Variants in OXR1 observed in about 807,000 individuals in gnomAD.
OXR1 encodes oxidation resistance protein 1.
Under a neutral mutation model 104.6 loss-of-function variants are expected in OXR1, and 41 were observed. The observed-to-expected ratio is 0.39, with a 90% CI of 0.31 to 0.51. The LOEUF (loss-of-function observed/expected upper bound fraction) is 0.51. Among genes scored for constraint, OXR1 ranks in the 20% least tolerant of loss-of-function variants. The probability of loss-of-function intolerance (pLI) is 0.77; values close to 1 mark genes in which losing one functional copy is unlikely to be tolerated. For missense variants in OXR1, 955 were observed against 1,031.9 expected (o/e 0.93, Z 1.02); for synonymous variants, 348 against 348.4 (o/e 1.00, Z 0.01).
chr8:106,507,573 A>T (rs1430339717), intron 2 of OXR1, among the ~76,000 whole-genome samples: 2 of 152,190 alleles, frequency 1.3e-5, no homozygotes, highest in African/African-American at 4.8e-5. Flanking sequence ...AGTATTTTGG[A>T]GAGGGTTGTG....
intron 6 of OXR1, among the ~76,000 whole-genome samples, chr8:106,687,651 C>CG (rs1563706837): frequency 6.7e-6 from 1 of 149,740 alleles, no homozygotes; most frequent in Admixed American, 6.7e-5. Flanking sequence ...ACCCAGGAGT[C>CG]GGGGGTTGCA....
chr8:106,273,674 C>G (rs1811908649), intron 1 of OXR1, among the ~76,000 whole-genome samples: 1 of 152,196 alleles, frequency 6.6e-6, no homozygotes, highest in South Asian at 2.1e-4. Context: ...GGAAGTCCAT[C>G]TTGAAAATCA....
chr8:106,609,800 T>A (rs1486057880), intron 3 of OXR1, among the ~76,000 whole-genome samples: 1 of 151,604 alleles, frequency 6.6e-6, no homozygotes, highest in Non-Finnish European at 1.5e-5. Context: ...TAATTTACAC[T>A]CAAATGGTTC....
rs9774587 is a variant in OXR1 at position 106,324,660 on chromosome 8, C to T, written c.-138-34816C>T. On this transcript the variant is annotated intron_variant, in intron 1 of 16. Transcript: ENST00000517566. ...TTTTAGAGCACCTAGTGCCCTCCAT[C>T]GTCATCAACCACCCACTGCTGCGGA... 4.6e-5 allele frequency among the ~76,000 whole-genome samples: 7 copies of T among 151,738 alleles called. 1 individual carries two copies. Among genetic ancestry groups the T allele is most frequent in the Admixed American group, 3.9e-4 (6 of 15,236 alleles).
chr8:106,441,901 C>G (rs1321376154), intron 2 of OXR1, among the ~76,000 whole-genome samples: 2 of 152,126 alleles, frequency 1.3e-5, no homozygotes, highest in Admixed American at 6.6e-5. Context: ...ATTTGAATAG[C>G]CTTTATTTCT....
chr8:106,606,353 T>G, intron 3 of OXR1, among the ~76,000 whole-genome samples: 1 of 151,592 alleles, frequency 6.6e-6, no homozygotes, highest in Non-Finnish European at 1.5e-5. Context: ...CAGGCTGGAG[T>G]GCAGTGGTGT....
chr8:106,549,159 T>G (rs949320831), intron 3 of OXR1, among the ~76,000 whole-genome samples: 4 of 152,040 alleles, frequency 2.6e-5, no homozygotes, highest in African/African-American at 9.7e-5. Context: ...CAATGCTCCT[T>G]GAAGCAAAGG....
chr8:106,691,877 T>A (rs1275594488), intron 6 of OXR1, among the ~76,000 whole-genome samples: 1 of 150,592 alleles, frequency 6.6e-6, no homozygotes, highest in Non-Finnish European at 1.5e-5. Context: ...ATAACATAGG[T>A]TTGCATCTTA....
At chr8:106,475,608 C>T (rs1196411944) in intron 2 of OXR1, among the ~76,000 whole-genome samples, 1 of 151,896 alleles carries the variant, frequency 6.6e-6, no homozygotes. Flanking sequence ...TGTACCAATC[C>T]TTCTTCCACT....
intron 1 of OXR1, among the ~76,000 whole-genome samples, chr8:106,316,963 C>A (rs118047343): frequency 0.089 from 13,474 of 152,032 alleles, 697 homozygotes; most frequent in African/African-American, 0.14. Context: ...CCTCGCCTCC[C>A]GGGTTCAAGT....
chr8:106,385,533 A>G (rs1817338651), intron 2 of OXR1, among the ~76,000 whole-genome samples: 1 of 152,180 alleles, frequency 6.6e-6, no homozygotes, highest in Non-Finnish European at 1.5e-5. Context: ...TGTGACAGGC[A>G]GTGTTCCAAG....
chr8:106,679,387 ATTGCC>A, intron 4 of OXR1, 95 bp downstream of exon 4: 1 of 517,354 alleles, frequency 1.9e-6, no homozygotes, highest in Non-Finnish European at 3.4e-6. Flanking sequence ...AGCATTGTTA[ATTGCC>A]TTATTTTTAA....
At chr8:106,305,821 T>C (rs1191429970) in intron 1 of OXR1, among the ~76,000 whole-genome samples, 4 of 152,154 alleles carry the variant, frequency 2.6e-5, no homozygotes, top group South Asian at 4.1e-4. Flanking sequence ...CCTTCTGTTT[T>C]GTAACATCTA....
At chr8:106,692,100 T>A (rs1233881324) in intron 6 of OXR1, among the ~76,000 whole-genome samples, 7 of 151,988 alleles carry the variant, frequency 4.6e-5, no homozygotes, top group South Asian at 2.1e-4. Flanking sequence ...TCCTTATAAT[T>A]CTCTATTTTA....
chr8:106,714,006 A>G (rs1327226754), intron 11 of OXR1, 21 bp downstream of exon 11: 1 of 1,524,500 alleles, frequency 6.6e-7, no homozygotes, highest in South Asian at 1.2e-5. Flanking sequence ...AAATATGAAG[A>G]TTTTAGTCAT....
chr8:106,348,873 G>A (rs1471801333), intron 1 of OXR1, among the ~76,000 whole-genome samples: 1 of 152,200 alleles, frequency 6.6e-6, no homozygotes, highest in Non-Finnish European at 1.5e-5. Flanking sequence ...AGGCCACACT[G>A]AGGAGGATCC....
chr8:106,511,295 C>T (rs1812509412), intron 2 of OXR1, among the ~76,000 whole-genome samples: 1 of 152,158 alleles, frequency 6.6e-6, no homozygotes, highest in Admixed American at 6.5e-5. Flanking sequence ...TTTTGAGTAA[C>T]TTGAGACTTT....
At chr8:106,702,882 T>A (rs1050915397) in intron 7 of OXR1, 24 bp from the exon 8 acceptor site, 24 of 1,576,250 alleles carry the variant, frequency 1.5e-5, no homozygotes, top group Non-Finnish European at 2.1e-5. Flanking sequence ...GAGGATTAAA[T>A]GTTACTTTCT....
At chr8:106,321,427 G>A (rs1262197867) in intron 1 of OXR1, among the ~76,000 whole-genome samples, 1 of 152,158 alleles carries the variant, frequency 6.6e-6, no homozygotes, top group Non-Finnish European at 1.5e-5. Flanking sequence ...AAGTGCAGCA[G>A]GGACAGATAG....
Sources: gnomAD v4.1 joint callset for allele counts (sites outside exome capture counted in the v4.1 genomes callset) on GRCh38, gnomAD v4.1.1 for gene constraint, MANE v1.5 for transcripts, NCBI Gene and HGNC (gene_info 2026-07-23, HGNC 2026-07-21) for gene names.